NUP155: variants seen among roughly 807,000 people sequenced by gnomAD.
The protein encoded by NUP155 is nucleoporin 155, also known as nuclear pore complex protein Nup155.
NUP155 carries 71 observed loss-of-function variants against 180.4 expected under a neutral mutation model. The ratio of observed to expected loss-of-function variants is 0.39; its 90% CI spans 0.33 to 0.48. The LOEUF (loss-of-function observed/expected upper bound fraction) is 0.48. NUP155 is among the 20% of genes least tolerant of loss of function. The pLI, the probability that NUP155 is intolerant of heterozygous loss-of-function variation, is 0.91. For synonymous variants in NUP155, 582 were observed against 559.5 expected (o/e 1.04, Z -0.57); for missense variants, 1,553 against 1,648.9 (o/e 0.94, Z 1.01).
intron 9 of NUP155, 85 bp downstream of exon 9, chr5:37,348,420 G>C (rs1267502419): frequency 3.4e-6 from 3 of 876,436 alleles, no homozygotes; most frequent in Non-Finnish European, 5.9e-6. Flanking sequence ...TTTGATGAGG[G>C]AATAATATAT....
rs1742408212 is a variant in NUP155, at chr5:37,294,432, C to T, written c.3827G>A (p.Cys1276Tyr). 1.2e-5 allele frequency: 19 copies of T among 1,613,520 alleles called. No homozygotes were observed. The highest frequency in any genetic ancestry group is 1.4e-5 in the Non-Finnish European group (17 of 1,179,652). ...FIVQFLEQQV[C>Y]TLNWDVGFVI... ...GAAGCCCACATCCCAGTTCAAAGTA[C>T]AAACCTGCTGTTCTAAAAACTGTAC... is the stretch of plus-strand genomic sequence containing the variant. Residue 1276 changes from cysteine to tyrosine, a missense_variant, in exon 33 of 35, where the codon TGT becomes TAT. Cys to Tyr is a radical substitution (Grantham distance 194, BLOSUM62 -2). Transcript: ENST00000231498.
chr5:37,318,015 G>C lies in NUP155; in HGVS notation c.2278C>G (p.Gln760Glu), dbSNP rs1004740537. Residue 760 changes from glutamine (Q) to glutamate (E), a missense_variant, in exon 21 of 35, where the codon CAA becomes GAA. Gln to Glu is a conservative substitution (Grantham distance 29, BLOSUM62 2). Transcript: ENST00000231498. Reference sequence around the variant, plus strand: ...TGAAACTTCCTCTGCAGTTCCTGTTGCATTTGCTGGGGATTTCCGTTTTCA... The same window carrying C: ...TGAAACTTCCTCTGCAGTTCCTGTTCCATTTGCTGGGGATTTCCGTTTTCA... Reference protein sequence around the residue: ...RPENGNPQQMQQELQRKFHEA... With the variant: ...RPENGNPQQMEQELQRKFHEA... 1 of 1,609,726 alleles carries C rather than the reference G, an allele frequency of 6.2e-7. No individual in the cohort carries two copies. Among genetic ancestry groups the C allele is most frequent in the South Asian group, 1.1e-5 (1 of 91,000 alleles).
At chr5:37,330,272 T>A in intron 14 of NUP155, 140 bp from the exon 15 acceptor site, 1 of 678,388 alleles carries the variant, frequency 1.5e-6, no homozygotes, top group Non-Finnish European at 2.7e-6. Context: ...TGAAATCAGT[T>A]AGTGTTAAAA....
chr5:37,328,442 T>C (rs1418558074), intron 16 of NUP155, 22 bp from the exon 17 acceptor site: 2 of 1,509,716 alleles, frequency 1.3e-6, no homozygotes, highest in Non-Finnish European at 1.8e-6. Context: ...AAGAAGAATA[T>C]AAAGATTTAG....
chr5:37,330,474 T>C (rs1744884301), intron 14 of NUP155, among the ~76,000 whole-genome samples: 1 of 152,214 alleles, frequency 6.6e-6, no homozygotes. Flanking sequence ...TCAGGTACTA[T>C]TTTAAGAGTT....
At chr5:37,311,595 T>C (rs1162388956) in intron 22 of NUP155, among the ~76,000 whole-genome samples, 1 of 151,356 alleles carries the variant, frequency 6.6e-6, no homozygotes, top group Non-Finnish European at 1.5e-5. Context: ...CGTTGAAAAA[T>C]GGTATACGAG....
chr5:37,319,015 C>A (rs926773527), intron 20 of NUP155, among the ~76,000 whole-genome samples: 9 of 152,108 alleles, frequency 5.9e-5, no homozygotes, highest in Non-Finnish European at 1.2e-4. Flanking sequence ...GCAATAAAAA[C>A]GAACAAAGCA....
At chr5:37,369,698 T>C (rs758083605) in intron 1 of NUP155, among the ~76,000 whole-genome samples, 11 of 152,236 alleles carry the variant, frequency 7.2e-5, no homozygotes, top group East Asian at 1.9e-4. Context: ...ATTTCTTTGA[T>C]TACAAAGCTA....
chr5:37,309,114 CATTTT>C lies in NUP155; in HGVS notation c.2767+10_2767+14del, dbSNP rs1266864441. ...TGAGTTGAGTAAAAGATACAAGAAACATTTTATTTCTCACCTTGTCTATACTGAGC... is the reference window on the plus strand; with the variant it reads ...TGAGTTGAGTAAAAGATACAAGAAACATTTCTCACCTTGTCTATACTGAGC... On this transcript the variant is annotated intron_variant, in intron 24 of 34. Transcript: ENST00000231498. The C allele has an allele frequency of 6.2e-7, 1 of 1,611,546 alleles. No homozygotes were observed. The highest frequency in any genetic ancestry group is 8.5e-7 in the Non-Finnish European group (1 of 1,179,084).
At chr5:37,345,962 T>C (rs999158524) in intron 9 of NUP155, among the ~76,000 whole-genome samples, 1 of 152,074 alleles carries the variant, frequency 6.6e-6, no homozygotes, top group Non-Finnish European at 1.5e-5. Flanking sequence ...TCTTTTAATT[T>C]TTTTGTGGAT....
intron 22 of NUP155, among the ~76,000 whole-genome samples, chr5:37,311,099 G>C (rs1743497147): frequency 6.6e-6 from 1 of 152,232 alleles, no homozygotes; most frequent in East Asian, 1.9e-4. Context: ...CCTAAACACT[G>C]TTAGAATTCC....
chr5:37,365,394 A>G (rs1386083675), intron 1 of NUP155, among the ~76,000 whole-genome samples: 1 of 151,854 alleles, frequency 6.6e-6, no homozygotes, highest in African/African-American at 2.4e-5. Context: ...GCCTGTATCA[A>G]AACATCTCAT....
rs574393113 is a variant in NUP155, at chr5:37,313,591, C to T, written c.2436+607G>A. ...TCATGGCTAAGTGGCGCCTCAACCT[C>T]CCAGGCTCAAGTGCTCCTCCCACTT... On this transcript the variant is annotated intron_variant, in intron 22 of 34. Coordinates refer to ENST00000231498, the MANE Select transcript of NUP155 (RefSeq NM_153485.3). Among the ~76,000 whole-genome samples the T allele has an allele frequency of 8.3e-4, 126 of 152,090 alleles. 2 individuals are homozygous for T. In the South Asian group the frequency reaches 0.016, roughly 20 times the overall value.
intron 1 of NUP155, among the ~76,000 whole-genome samples, chr5:37,367,732 C>T (rs1379136407): frequency 6.6e-6 from 1 of 151,940 alleles, no homozygotes; most frequent in Non-Finnish European, 1.5e-5. Flanking sequence ...ATGGGGGTTT[C>T]ACCATGTTAG....
rs1015888766 is a variant in NUP155 at position 37,337,712 on chromosome 5, G to A, written c.1347+106C>T. The A allele has an allele frequency of 3.1e-5, 21 of 674,242 alleles. No individual in the cohort carries two copies. In the Admixed American group the frequency reaches 3.4e-4, roughly 11 times the overall value. The allele number at this position is 674,242 out of a possible 1,614,324, so 41.8% of individuals were successfully genotyped here. A position where few individuals can be genotyped will look rare whatever the true frequency, so the allele number is the denominator to read the frequency against. On this transcript the variant is annotated intron_variant, in intron 12 of 34. Coordinates refer to ENST00000231498, the MANE Select transcript of NUP155 (RefSeq NM_153485.3). ...TTTACTTTATAATTTCTAATAATACGTTATTAGAAGCAAACAGCAATACAT... is the reference window on the plus strand; with the variant it reads ...TTTACTTTATAATTTCTAATAATACATTATTAGAAGCAAACAGCAATACAT...
intron 12 of NUP155, among the ~76,000 whole-genome samples, chr5:37,335,192 G>A (rs1320730959): frequency 1.3e-5 from 2 of 148,340 alleles, no homozygotes; most frequent in African/African-American, 2.5e-5. Context: ...TACCAGCCTA[G>A]GCAATATAAT....
At chr5:37,343,689 A>C (rs1441786480) in intron 9 of NUP155, among the ~76,000 whole-genome samples, 2 of 152,014 alleles carry the variant, frequency 1.3e-5, no homozygotes, top group South Asian at 2.1e-4. Flanking sequence ...TCAAGAGTTC[A>C]AGACTGGCCT....
At chr5:37,299,063 T>A in intron 31 of NUP155, 85 bp from the exon 32 acceptor site, 1 of 799,646 alleles carries the variant, frequency 1.3e-6, no homozygotes, top group South Asian at 1.4e-5. Context: ...TGTTTCAAGG[T>A]TCAAAATACT....
chr5:37,297,001 A>G (rs1374288349), intron 32 of NUP155, among the ~76,000 whole-genome samples: 1 of 152,068 alleles, frequency 6.6e-6, no homozygotes, highest in Admixed American at 6.6e-5. Context: ...ACATGGTGAA[A>G]CCCTGTCTCT....
Sources: allele counts gnomAD v4.1 joint callset (sites outside exome capture counted in the v4.1 genomes callset), GRCh38; gene constraint gnomAD v4.1.1; transcripts MANE v1.5; gene names NCBI Gene and HGNC (gene_info 2026-07-23, HGNC 2026-07-21).